IVNS1ABP: variants seen among roughly 807,000 people sequenced by gnomAD.
The protein encoded by IVNS1ABP is influenza virus NS1A binding protein.
In IVNS1ABP, 25 loss-of-function variants were observed where a neutral mutation model predicts 78.9. The observed-to-expected ratio is 0.32, with a 90% CI of 0.23 to 0.44. The LOEUF is 0.44. Ranked by LOEUF, IVNS1ABP falls within the 20% of genes least tolerant of loss-of-function variation. The pLI is 1.00. For synonymous variants in IVNS1ABP, 241 were observed against 259.7 expected (o/e 0.93, Z 0.69); for missense variants, 494 against 768.9 (o/e 0.64, Z 4.23).
At chr1:185,300,834 C>A in intron 10 of IVNS1ABP, 138 bp downstream of exon 10, 1 of 705,986 alleles carries the variant, frequency 1.4e-6, no homozygotes, top group South Asian at 1.9e-5. Context: ...GAAGGTTAGC[C>A]ATATTCAATA....
chr1:185,297,946 TACCC>T lies in IVNS1ABP; in HGVS notation c.*85_*88del. On this transcript the variant is annotated 3_prime_UTR_variant, in exon 15 of 15. Coordinates refer to ENST00000367498, the MANE Select transcript of IVNS1ABP (RefSeq NM_006469.5). ...TTTGTGTTGCTGTTAGCAACATCTA[TACCC>T]ACCCACCCTCTTTATTCACAAGTGT... The T allele has an allele frequency of 7.7e-6, 10 of 1,295,588 alleles. No individual in the cohort carries two copies. Among genetic ancestry groups the T allele is most frequent in the Non-Finnish European group, 9.7e-6 (9 of 923,650 alleles). 80.3% of individuals were successfully genotyped at this position (1,295,588 alleles called of 1,614,324 possible).
chr1:185,305,791 A>G lies in IVNS1ABP; in HGVS notation c.658-148T>C. On this transcript the variant is annotated intron_variant, in intron 7 of 14. Transcript: ENST00000367498. The surrounding 1 kb of genome is among the most constrained non-coding windows in gnomAD (Gnocchi z 4.0). ...CTCTGGCAGGATCCGGAGGTAAAGA[A>G]AAATACATGTCATGGTGGTAAAAAT... is the stretch of plus-strand genomic sequence containing the variant. 1.3e-6 allele frequency: 1 copy of G among 782,658 alleles called. No homozygotes were observed. The highest frequency in any genetic ancestry group is 1.9e-6 in the Non-Finnish European group (1 of 537,746). The allele number at this position is 782,658 out of a possible 1,614,324, so 48.5% of individuals were successfully genotyped here.
chr1:185,305,552 T>C lies in IVNS1ABP; in HGVS notation c.749A>G (p.His250Arg). Residue 250 changes from histidine to arginine, a missense_variant, in exon 8 of 15, where the codon CAC becomes CGC. Coordinates refer to ENST00000367498, the MANE Select transcript of IVNS1ABP (RefSeq NM_006469.5). The surrounding 1 kb of genome is among the most constrained non-coding windows in gnomAD (Gnocchi z 4.0). ...AATGTGTACCTGCACAAACTGAATG[T>C]GGTCATCATCACTGCCAAACACCTC... ...QAEVFGSDDD[H>R]IQFVQKKPPR... is the part of the protein sequence containing the mutation. 6.2e-7 allele frequency: 1 copy of C among 1,613,234 alleles called. No homozygotes were observed. Among genetic ancestry groups the C allele is most frequent in the East Asian group, 2.2e-5 (1 of 44,864 alleles).
intron 1 of IVNS1ABP, among the ~76,000 whole-genome samples, chr1:185,316,003 TGGG>T (rs1666007877): frequency 6.6e-6 from 1 of 152,148 alleles, no homozygotes; most frequent in South Asian, 2.1e-4. Context: ...CACTACCTAT[TGGG>T]GGAAAAAGTA....
In IVNS1ABP at chr1:185,307,548, G is replaced by C; in HGVS notation, c.472C>G (p.Gln158Glu). ...RLLNKVDAYI[Q>E]EHLLQISEEE... ...TCAGAAATTTGTAACAAATGCTCCTGAATATAAGCATCAACCTTATTCAAC... is the reference window on the plus strand; with the variant it reads ...TCAGAAATTTGTAACAAATGCTCCTCAATATAAGCATCAACCTTATTCAAC... The change falls in exon 6 of 15, where the codon CAG becomes GAG. Residue 158 changes from glutamine to glutamate, a missense_variant. Coordinates refer to ENST00000367498, the MANE Select transcript of IVNS1ABP (RefSeq NM_006469.5). 1 of 1,613,484 alleles carries C rather than the reference G, an allele frequency of 6.2e-7. No homozygotes were observed. The highest frequency in any genetic ancestry group is 8.5e-7 in the Non-Finnish European group (1 of 1,179,644).
At chr1:185,300,387 T>TA (rs779759885) in intron 11 of IVNS1ABP, 44 bp from the exon 12 acceptor site, 220 of 1,613,218 alleles carry the variant, frequency 1.4e-4, no homozygotes, top group Non-Finnish European at 1.7e-4. Flanking sequence ...ATCCTGAAGT[T>TA]ACGAGGAAAA....
chr1:185,307,892 A>C, intron 5 of IVNS1ABP: 1 of 1,496,596 alleles, frequency 6.7e-7, no homozygotes, highest in South Asian at 1.3e-5. Flanking sequence ...TTGAAATGCT[A>C]TGTAAGTTCA....
rs1224758828 is a variant in IVNS1ABP, at chr1:185,298,630, TCCTACA to T, written c.1676-348_1676-343del. On this transcript the variant is annotated intron_variant, in intron 14 of 14. Coordinates refer to ENST00000367498, the MANE Select transcript of IVNS1ABP (RefSeq NM_006469.5). The surrounding 1 kb of genome is among the most constrained non-coding windows in gnomAD (Gnocchi z 4.1). ...AAAGCAGGAAGAAGCTGGACAATTA[TCCTACA>T]GATGCAGCTACTAAGTAGCAAACCA... The T allele has an allele frequency of 1.4e-4, 43 of 306,052 alleles. 1 individual carries two copies. The East Asian group carries it at 2.7e-3, about 19-fold the overall frequency. The allele number at this position is 306,052 out of a possible 1,614,324, so 19.0% of individuals were successfully genotyped here. A position where few individuals can be genotyped will look rare whatever the true frequency, so the allele number is the denominator to read the frequency against.
chr1:185,311,356 G>A (rs1332481800), intron 1 of IVNS1ABP, 34 bp from the exon 2 acceptor site: 2 of 396,040 alleles, frequency 5.0e-6, no homozygotes, highest in African/African-American at 4.1e-5. Flanking sequence ...TAGATATTCA[G>A]AATAATCAAA....
In IVNS1ABP at chr1:185,316,943, C is replaced by G. The variant is rs902697580; in HGVS notation, c.-247+10G>C. ...CCTCATCTGTCGTTCGTAGAACCAG[C>G]GCGTATTACCTGGTTCATCTCTGAA... On this transcript the variant is annotated intron_variant, in intron 1 of 14. Transcript: ENST00000367498. The G allele has an allele frequency of 2.5e-6, 1 of 398,404 alleles. No homozygotes were observed. Among genetic ancestry groups the G allele is most frequent in the African/African-American group, 2.1e-5 (1 of 48,622 alleles). 24.7% of individuals were successfully genotyped at this position (398,404 alleles called of 1,614,324 possible). A position where few individuals can be genotyped will look rare whatever the true frequency, so the allele number is the denominator to read the frequency against.
intron 8 of IVNS1ABP, among the ~76,000 whole-genome samples, chr1:185,304,175 G>C (rs548322388): frequency 6.6e-6 from 1 of 151,850 alleles, no homozygotes; most frequent in African/African-American, 2.4e-5. Context: ...TAGGCCTTTC[G>C]TAGCTACCTC....
chr1:185,309,219 T>C, intron 3 of IVNS1ABP, 47 bp from the exon 4 acceptor site: 1 of 1,387,948 alleles, frequency 7.2e-7, no homozygotes, highest in Non-Finnish European at 9.8e-7. Flanking sequence ...GATTATGTGC[T>C]TCTCTAGCTA....
At position 185,300,998 on chromosome 1, in the gene IVNS1ABP, T is replaced by G; in HGVS notation, c.1094A>C (p.Glu365Ala). The change falls in exon 10 of 15, where the codon GAG (glutamate) becomes GCG (alanine). Residue 365 changes from glutamate (E) to alanine (A), a missense_variant. Coordinates refer to ENST00000367498, the MANE Select transcript of IVNS1ABP (RefSeq NM_006469.5). ...TGCAGCTATGAGTTTGCCATTCATC[T>G]CTGCTGTTCCCAGACCAGATCGTGC... Reference protein sequence around the residue: ...QYARSGLGTAEMNGKLIAAGG... With the variant: ...QYARSGLGTAAMNGKLIAAGG... 1 of 1,613,432 alleles carries G rather than the reference T, an allele frequency of 6.2e-7. No homozygotes were observed. Among genetic ancestry groups the G allele is most frequent in the Middle Eastern group, 1.7e-4 (1 of 6,054 alleles).
In IVNS1ABP at chr1:185,309,481, C is replaced by T. The variant is rs756558772; in HGVS notation, c.13G>A (p.Gly5Arg). ...TTTTCATCCTCAAACATCAAATATC[C>T]ATTGGGAATCATTTTTCCTTATAAA... is the stretch of plus-strand genomic sequence containing the variant. MIPN[G>R]YLMFEDENFI... Residue 5 changes from glycine (G) to arginine (R), a missense_variant, in exon 3 of 15, where the codon GGA becomes AGA. By Grantham distance (125) the Gly-to-Arg change is moderately radical. Coordinates refer to ENST00000367498, the MANE Select transcript of IVNS1ABP (RefSeq NM_006469.5). The T allele has an allele frequency of 6.3e-7, 1 of 1,591,156 alleles. No homozygotes were observed. The highest frequency in any genetic ancestry group is 1.7e-5 in the Admixed American group (1 of 58,270).
rs554641866 is a variant in IVNS1ABP, at chr1:185,305,162, C to A, written c.765+374G>T. On this transcript the variant is annotated intron_variant, in intron 8 of 14. Coordinates refer to ENST00000367498, the MANE Select transcript of IVNS1ABP (RefSeq NM_006469.5). This position sits in a 1 kb window ranked among gnomAD's most constrained non-coding sequence, Gnocchi z 4.0. ...TAGTTAAGGTAACATCCAAAAATTT[C>A]TTTCATAGCCATCAACAATTTAAGT... Among the ~76,000 whole-genome samples, 1 of 152,236 alleles carries A rather than the reference C, an allele frequency of 6.6e-6. No homozygotes were observed. The highest frequency in any genetic ancestry group is 2.1e-4 in the South Asian group (1 of 4,828).
Position 185,306,634 on chromosome 1 carries a change from A to G in IVNS1ABP, c.657+380T>C, listed in dbSNP as rs2102818643. 4 of 1,163,526 alleles carry G rather than the reference A, an allele frequency of 3.4e-6. No homozygotes were observed. The Middle Eastern group carries it at 7.2e-4, about 209-fold the overall frequency. 72.1% of individuals were successfully genotyped at this position (1,163,526 alleles called of 1,614,324 possible). On this transcript the variant is annotated intron_variant, in intron 7 of 14. Coordinates refer to ENST00000367498, the MANE Select transcript of IVNS1ABP (RefSeq NM_006469.5). ...TAGTTTTGTTAATAAACCTATGGGG[A>G]GATAAATCAATGGGGAGGAACAACC...
intron 1 of IVNS1ABP, among the ~76,000 whole-genome samples, chr1:185,312,462 C>A (rs1028486081): frequency 6.6e-6 from 1 of 152,150 alleles, no homozygotes; most frequent in Non-Finnish European, 1.5e-5. Context: ...CTAACAATTA[C>A]GTCAAAGTGA....
Position 185,301,529 on chromosome 1 carries a change from A to G in IVNS1ABP, c.800T>C (p.Ile267Thr), listed in dbSNP as rs866601629. 6.2e-7 allele frequency: 1 copy of G among 1,613,188 alleles called. No homozygotes were observed. Among genetic ancestry groups the G allele is most frequent in the South Asian group, 1.1e-5 (1 of 91,070 alleles). The part of the protein sequence containing the change: ...KPPRENGHKQ[I>T]SSSSTGCLSS... ...GAGACATCCAGTTGAACTGCTACTT[A>G]TCTGCTTATGGCCATTCTCACGTGG... The change falls in exon 9 of 15, where the codon ATA becomes ACA. Residue 267 changes from isoleucine (I) to threonine (T), a missense_variant. Transcript: ENST00000367498.
chr1:185,301,779 G>A (rs1327343108), intron 8 of IVNS1ABP: 6 of 369,276 alleles, frequency 1.6e-5, no homozygotes, highest in Non-Finnish European at 4.8e-6. Flanking sequence ...TACACAATTA[G>A]CCTAGGTAAG....
Sources: allele counts gnomAD v4.1 joint callset (sites outside exome capture counted in the v4.1 genomes callset), GRCh38; gene constraint gnomAD v4.1.1; non-coding constraint Gnocchi (gnomAD v3.1); transcripts MANE v1.5; gene names NCBI Gene and HGNC (gene_info 2026-07-23, HGNC 2026-07-21).